HSD17B4: variants seen among roughly 807,000 people sequenced by gnomAD.
HSD17B4 encodes the protein hydroxysteroid 17-beta dehydrogenase 4.
A neutral mutation model predicts 101.0 loss-of-function variants in HSD17B4; 70 were observed. The observed-to-expected ratio is 0.69, with a 90% CI of 0.57 to 0.85. The LOEUF (loss-of-function observed/expected upper bound fraction) is 0.85. Among genes scored for constraint, HSD17B4 ranks in the 40% least tolerant of loss-of-function variants. The probability of loss-of-function intolerance (pLI) is 0.00; values close to 1 mark genes in which losing one functional copy is unlikely to be tolerated. For missense variants in HSD17B4, 984 were observed against 892.4 expected (o/e 1.10, Z -1.31); for synonymous variants, 347 against 297.1 (o/e 1.17, Z -1.73).
rs2126702878 is a variant in HSD17B4 at position 119,478,936 on chromosome 5, A to G, written c.537A>G (p.Ala179=). The change falls in exon 8 of 24, where the codon GCA becomes GCG. Residue 179 remains alanine (A), a synonymous_variant. Transcript: ENST00000510025. The part of the protein sequence containing the change: ...LGLLGLANSL[A]IEGRKSNIHC... ...TTCTGGGCCTTGCAAATTCTCTTGC[A>G]ATTGAAGGCAGGAAAAGCAACATTC... 6.2e-7 allele frequency: 1 copy of G among 1,613,756 alleles called. No individual in the cohort carries two copies. The highest frequency in any genetic ancestry group is 8.5e-7 in the Non-Finnish European group (1 of 1,179,746).
intron 13 of HSD17B4, among the ~76,000 whole-genome samples, chr5:119,501,692 A>G (rs1317138294): frequency 3.3e-5 from 5 of 152,142 alleles, no homozygotes; most frequent in Admixed American, 3.3e-4. Context: ...TTCAATGAAT[A>G]TTTATTGGAT....
intron 14 of HSD17B4, among the ~76,000 whole-genome samples, chr5:119,505,756 A>C (rs1251339439): frequency 6.6e-6 from 1 of 150,518 alleles, no homozygotes. Flanking sequence ...TTATTGCCAG[A>C]TTGCTCTGGG....
At chr5:119,521,970 G>T (rs1251770304) in intron 17 of HSD17B4, among the ~76,000 whole-genome samples, 2 of 151,080 alleles carry the variant, frequency 1.3e-5, no homozygotes, top group Non-Finnish European at 3.0e-5. Flanking sequence ...AAGTTCTAGG[G>T]TACATGTGCA....
In HSD17B4 at chr5:119,509,421, C is replaced by A. The variant is rs1315339298; in HGVS notation, c.1437+177C>A. ...CCCTCTTCTTCCTCCTCCTCTTCCT[C>A]CTCCTCAGCCTACCCAATGTGAGGA... On this transcript the variant is annotated intron_variant, in intron 16 of 23. Transcript: ENST00000510025. The A allele has an allele frequency of 4.3e-6, 3 of 696,506 alleles. 1 individual carries two copies. Among genetic ancestry groups the A allele is most frequent in the Non-Finnish European group, 7.9e-6 (3 of 382,070 alleles). 43.1% of individuals were successfully genotyped at this position (696,506 alleles called of 1,614,324 possible). A position where few individuals can be genotyped will look rare whatever the true frequency, so the allele number is the denominator to read the frequency against.
intron 23 of HSD17B4, among the ~76,000 whole-genome samples, chr5:119,538,786 GC>G (rs145134234): frequency 0.011 from 1,743 of 152,238 alleles, 25 homozygotes; most frequent in Non-Finnish European, 0.019. Flanking sequence ...TGTTTGCATG[GC>G]TGGCTTCATT....
chr5:119,481,911 T>C (rs1174070422), intron 8 of HSD17B4, among the ~76,000 whole-genome samples: 1 of 149,404 alleles, frequency 6.7e-6, no homozygotes, highest in Non-Finnish European at 1.5e-5. Context: ...AGGTAAGGCA[T>C]TTTTTTTCCC....
intron 16 of HSD17B4, 164 bp downstream of exon 16, chr5:119,509,408 T>C: frequency 1.4e-6 from 1 of 697,986 alleles, no homozygotes; most frequent in Non-Finnish European, 2.6e-6. Flanking sequence ...CTCTTCTTCC[T>C]CCTCCTCTTC....
At chr5:119,481,127 A>G (rs1749089787) in intron 8 of HSD17B4, among the ~76,000 whole-genome samples, 1 of 152,220 alleles carries the variant, frequency 6.6e-6, no homozygotes, top group African/African-American at 2.4e-5. Context: ...TTAAGAGATT[A>G]AAGTAAAGAC....
intron 17 of HSD17B4, among the ~76,000 whole-genome samples, chr5:119,516,973 C>T (rs542811396): frequency 5.0e-4 from 76 of 152,366 alleles, no homozygotes; most frequent in Non-Finnish European, 8.5e-4. Context: ...TCGCTCTCGG[C>T]GCCTCCTCTG....
chr5:119,494,119 G>A (rs1399190120), intron 11 of HSD17B4, among the ~76,000 whole-genome samples, 173 bp downstream of exon 11: 3 of 152,150 alleles, frequency 2.0e-5, no homozygotes, highest in Admixed American at 1.3e-4. Context: ...AGATATTTAT[G>A]TTATTCTCAC....
At chr5:119,490,973 G>A (rs796789111) in intron 9 of HSD17B4, among the ~76,000 whole-genome samples, 7 of 152,260 alleles carry the variant, frequency 4.6e-5, no homozygotes, top group African/African-American at 1.7e-4. Flanking sequence ...AACATTTTTA[G>A]TGAGGAACAT....
At chr5:119,479,272 T>G (rs1367669930) in intron 8 of HSD17B4, among the ~76,000 whole-genome samples, 1 of 152,222 alleles carries the variant, frequency 6.6e-6, no homozygotes, top group African/African-American at 2.4e-5. Context: ...TAATTTTTTT[T>G]TTGTTTTACA....
At position 119,497,214 on chromosome 5, in the gene HSD17B4, G is replaced by GT. The variant is rs1270273348; in HGVS notation, c.972+568_972+569insT. Reference sequence around the variant, plus strand: ...TAATTTTTGGTAGGCTCCATTGGGGGGTGTGATGAATCAGGTTAGCTGCCT... The same window carrying GT: ...TAATTTTTGGTAGGCTCCATTGGGGGTGTGTGATGAATCAGGTTAGCTGCCT... On this transcript the variant is annotated intron_variant, in intron 12 of 23. Coordinates refer to ENST00000510025, the MANE Select transcript of HSD17B4 (RefSeq NM_000414.4). Among the ~76,000 whole-genome samples, 4 of 151,894 alleles carry GT rather than the reference G, an allele frequency of 2.6e-5. No homozygotes were observed. The South Asian group carries it at 6.2e-4, about 24-fold the overall frequency.
chr5:119,490,225 T>C (rs1409616219), intron 9 of HSD17B4, among the ~76,000 whole-genome samples: 3 of 152,116 alleles, frequency 2.0e-5, no homozygotes. Context: ...ATCACAGCCA[T>C]TGGGTGTGAA....
intron 2 of HSD17B4, among the ~76,000 whole-genome samples, chr5:119,473,461 G>T (rs1018217285): frequency 2.0e-5 from 3 of 151,202 alleles, no homozygotes; most frequent in African/African-American, 7.3e-5. Context: ...TGGGACTACA[G>T]ATACATGCCA....
At chr5:119,509,301 A>G in intron 16 of HSD17B4, 57 bp downstream of exon 16, 2 of 1,046,604 alleles carry the variant, frequency 1.9e-6, no homozygotes, top group Non-Finnish European at 3.0e-6. Flanking sequence ...TTACCTATAC[A>G]ATTGAGACTT....
chr5:119,465,129 A>G (rs1755683680), intron 2 of HSD17B4, among the ~76,000 whole-genome samples: 1 of 152,082 alleles, frequency 6.6e-6, no homozygotes, highest in African/African-American at 2.4e-5. Flanking sequence ...GATTGCATTG[A>G]ACCTGTAGAT....
chr5:119,475,928 A>G, intron 6 of HSD17B4, 58 bp downstream of exon 6: 1 of 1,268,352 alleles, frequency 7.9e-7, no homozygotes, highest in South Asian at 1.2e-5. Flanking sequence ...CCTTTTTAGT[A>G]TTTGATAAAT....
intron 1 of HSD17B4, 37 bp downstream of exon 1, chr5:119,452,670 G>A (rs1754170705): frequency 1.2e-6 from 2 of 1,612,888 alleles, no homozygotes; most frequent in Non-Finnish European, 1.7e-6. Context: ...GCCCCTTGCT[G>A]AGGCGCAGCT....
Sources: allele counts gnomAD v4.1 joint callset (sites outside exome capture counted in the v4.1 genomes callset), GRCh38; gene constraint gnomAD v4.1.1; transcripts MANE v1.5; gene names NCBI Gene and HGNC (gene_info 2026-07-23, HGNC 2026-07-21).